The following ANTXR1 variants were observed in gnomAD, a reference collection of about 807,000 sequenced individuals.
The protein encoded by ANTXR1 is ANTXR cell adhesion molecule 1, also known as anthrax toxin receptor 1.
Under a neutral mutation model 78.1 loss-of-function variants are expected in ANTXR1, and 19 were observed. That is an observed-to-expected ratio of 0.24 (90% CI 0.17 to 0.36). The LOEUF is 0.36. Ranked by LOEUF, ANTXR1 falls within the 10% of genes least tolerant of loss-of-function variation. The probability of loss-of-function intolerance (pLI) is 1.00; values close to 1 mark genes in which losing one functional copy is unlikely to be tolerated. For missense variants in ANTXR1, 518 were observed against 718.6 expected (o/e 0.72, Z 3.19); for synonymous variants, 273 against 260.5 (o/e 1.05, Z -0.46).
chr2:69,071,285 A>G (rs1670557478), intron 4 of ANTXR1, among the ~76,000 whole-genome samples: 1 of 152,244 alleles, frequency 6.6e-6, no homozygotes, highest in African/African-American at 2.4e-5. Flanking sequence ...AAACCTAGAT[A>G]GTATAGCCTA....
chr2:69,170,103 C>A, intron 13 of ANTXR1, 145 bp from the exon 14 acceptor site: 1 of 813,782 alleles, frequency 1.2e-6, no homozygotes, highest in Non-Finnish European at 2.1e-6. Flanking sequence ...AAAGACACCT[C>A]TCATGGCAGT....
intron 17 of ANTXR1, among the ~76,000 whole-genome samples, chr2:69,242,612 C>T (rs928114027): frequency 2.0e-5 from 3 of 152,224 alleles, no homozygotes; most frequent in African/African-American, 7.2e-5. Context: ...ACCCCAGGCA[C>T]CAGCAGCTCC....
rs149438539 is a variant in ANTXR1, at chr2:69,225,300, C to G, written c.1435-19925C>G. ...AAAAGGAGTCTCCATGAGATGCCCA[C>G]AGGGGATCCCTAATGTTGAAAATAT... On this transcript the variant is annotated intron_variant, in intron 17 of 17. Transcript: ENST00000303714. 3.5e-3 allele frequency among the ~76,000 whole-genome samples: 532 copies of G among 152,196 alleles called. 11 individuals are homozygous for G. Among genetic ancestry groups the G allele is most frequent in the East Asian group, 0.013 (65 of 5,162 alleles).
At chr2:69,020,124 T>A (rs1671141877) in intron 1 of ANTXR1, among the ~76,000 whole-genome samples, 1 of 152,222 alleles carries the variant, frequency 6.6e-6, no homozygotes, top group South Asian at 2.1e-4. Flanking sequence ...TCGAATGGTA[T>A]TTCTGTCTTT....
chr2:69,241,928 C>A (rs1675905321), intron 17 of ANTXR1, among the ~76,000 whole-genome samples: 1 of 152,144 alleles, frequency 6.6e-6, no homozygotes, highest in African/African-American at 2.4e-5. Flanking sequence ...ATGATTACCC[C>A]CACTTCACAT....
At chr2:69,225,553 CAG>C (rs1250005688) in intron 17 of ANTXR1, among the ~76,000 whole-genome samples, 1 of 152,018 alleles carries the variant, frequency 6.6e-6, no homozygotes, top group East Asian at 1.9e-4. Flanking sequence ...GTCCGGGGTG[CAG>C]AGAGTAGGAA....
At chr2:69,147,393 A>T (rs1414229445) in intron 12 of ANTXR1, among the ~76,000 whole-genome samples, 2 of 152,174 alleles carry the variant, frequency 1.3e-5, no homozygotes, top group African/African-American at 4.8e-5. Context: ...CCCCCTTCAC[A>T]AGGTAGTTGA....
rs1017890088 is a variant in ANTXR1 at position 69,067,238 on chromosome 2, A to G, written c.297-3409A>G. Among the ~76,000 whole-genome samples the G allele has an allele frequency of 2.0e-5, 3 of 151,734 alleles. No homozygotes were observed. The South Asian group carries it at 6.3e-4, about 32-fold the overall frequency. Reference sequence around the variant, plus strand: ...ATCACCACTCGCAACTAGTGAGTTCATATCTTGCCAGATACAAAGCATCAA... The same window carrying G: ...ATCACCACTCGCAACTAGTGAGTTCGTATCTTGCCAGATACAAAGCATCAA... On this transcript the variant is annotated intron_variant, in intron 3 of 17. Coordinates refer to ENST00000303714, the MANE Select transcript of ANTXR1 (RefSeq NM_032208.3).
chr2:69,131,951 G>A (rs1672761332), intron 12 of ANTXR1, among the ~76,000 whole-genome samples: 1 of 152,218 alleles, frequency 6.6e-6, no homozygotes, highest in Non-Finnish European at 1.5e-5. Flanking sequence ...ACCAGCTCCA[G>A]TAGGAGCAGA....
At chr2:69,183,809 T>C (rs1231685080) in intron 16 of ANTXR1, among the ~76,000 whole-genome samples, 1 of 152,138 alleles carries the variant, frequency 6.6e-6, no homozygotes, top group Non-Finnish European at 1.5e-5. Context: ...CATAAACATC[T>C]GCACTATGCC....
intron 1 of ANTXR1, among the ~76,000 whole-genome samples, chr2:69,015,672 C>T (rs1161403707): frequency 6.6e-6 from 1 of 151,960 alleles, no homozygotes; most frequent in Non-Finnish European, 1.5e-5. Flanking sequence ...ATGAATATTA[C>T]TGTAATCTTA....
chr2:69,187,467 C>T (rs1461712767), intron 16 of ANTXR1, among the ~76,000 whole-genome samples: 3 of 151,722 alleles, frequency 2.0e-5, no homozygotes, highest in South Asian at 2.1e-4. Flanking sequence ...GCATGGCATG[C>T]ACACACTCAT....
In ANTXR1 at chr2:69,174,634, A is replaced by AG. The variant is rs576791168; in HGVS notation, c.1089+4345_1089+4346insG. 1.2e-3 allele frequency among the ~76,000 whole-genome samples: 176 copies of AG among 151,752 alleles called. 2 individuals are homozygous for AG. In the East Asian group the frequency reaches 0.027, roughly 24 times the overall value. On this transcript the variant is annotated intron_variant, in intron 14 of 17. Coordinates refer to ENST00000303714, the MANE Select transcript of ANTXR1 (RefSeq NM_032208.3). ...AGCAAGACTCTATCTCAAAAAAAAAAAGAGAGAGAGAGAGAGTGTAACTGG... is the reference window on the plus strand; with the variant it reads ...AGCAAGACTCTATCTCAAAAAAAAAAGAGAGAGAGAGAGAGAGTGTAACTGG...
At chr2:69,096,405 G>T (rs867281984) in intron 9 of ANTXR1, among the ~76,000 whole-genome samples, 2 of 132,992 alleles carry the variant, frequency 1.5e-5, no homozygotes, top group Non-Finnish European at 3.1e-5. Context: ...AGGAAGGAAG[G>T]AAATCAAAAA....
intron 2 of ANTXR1, 35 bp downstream of exon 2, chr2:69,040,150 T>A: frequency 6.3e-7 from 1 of 1,583,182 alleles, no homozygotes. Flanking sequence ...CACTTGTAGT[T>A]CTCTGTCATG....
intron 16 of ANTXR1, among the ~76,000 whole-genome samples, chr2:69,185,099 G>A (rs994566806): frequency 2.0e-5 from 3 of 152,102 alleles, no homozygotes; most frequent in Admixed American, 1.3e-4. Flanking sequence ...TAAAGCACTG[G>A]CTCTCAAAGG....
chr2:69,068,902 A>G lies in ANTXR1; in HGVS notation c.297-1745A>G, dbSNP rs140119920. On this transcript the variant is annotated intron_variant, in intron 3 of 17. Coordinates refer to ENST00000303714, the MANE Select transcript of ANTXR1 (RefSeq NM_032208.3). ...CATTTCAAGATATGTTTGAAGTAGA[A>G]CTAACAGAATGTGATGATGGTGAGA... Among the ~76,000 whole-genome samples, 106 of 152,302 alleles carry G rather than the reference A, an allele frequency of 7.0e-4. 1 individual carries two copies. Among genetic ancestry groups the G allele is most frequent in the Non-Finnish European group, 1.2e-3 (84 of 68,036 alleles).
chr2:69,153,549 C>A (rs1250182722), intron 13 of ANTXR1, among the ~76,000 whole-genome samples: 1 of 152,168 alleles, frequency 6.6e-6, no homozygotes, highest in Non-Finnish European at 1.5e-5. Context: ...AGATTTTAAA[C>A]AGATTCTTAC....
chr2:69,144,644 TG>T (rs1331451944), intron 12 of ANTXR1, among the ~76,000 whole-genome samples: 1 of 152,258 alleles, frequency 6.6e-6, no homozygotes, highest in East Asian at 1.9e-4. Flanking sequence ...GTCCTATTTC[TG>T]GCAGAGAAAG....
Sources: gnomAD v4.1 joint callset for allele counts (sites outside exome capture counted in the v4.1 genomes callset) on GRCh38, gnomAD v4.1.1 for gene constraint, MANE v1.5 for transcripts, NCBI Gene and HGNC (gene_info 2026-07-23, HGNC 2026-07-21) for gene names.